Variants in ZNF808 observed in about 807,000 individuals in gnomAD.
ZNF808 encodes zinc finger protein 808.
In ZNF808, 5 loss-of-function variants were observed where a neutral mutation model predicts 8.7. The ratio of observed to expected loss-of-function variants is 0.58; its 90% confidence interval spans 0.30 to 1.21. ZNF808 has a LOEUF of 1.21. ZNF808 is among the 50% of genes most tolerant of loss of function. The pLI is 0.07. For missense variants in ZNF808, 1,103 were observed against 1,098.4 expected (o/e 1.00, Z -0.06); for synonymous variants, 380 against 366.0 (o/e 1.04, Z -0.44).
chr19:52,536,034 C>A, intron 2 of ZNF808: 1 of 165,598 alleles, frequency 6.0e-6, no homozygotes, highest in South Asian at 1.3e-4. Flanking sequence ...GAGTGAAGGT[C>A]GTACCGCGGC....
downstream of ZNF808, among the ~76,000 whole-genome samples, chr19:52,566,640 A>C (rs957015847): frequency 5.3e-5 from 8 of 152,250 alleles, no homozygotes; most frequent in South Asian, 1.5e-3. Flanking sequence ...GATACATTAC[A>C]AAAGGATGGT....
chr19:52,529,907 A>T (rs1002769136), intron 1 of ZNF808, among the ~76,000 whole-genome samples: 2 of 126,964 alleles, frequency 1.6e-5, no homozygotes, highest in African/African-American at 6.1e-5. Context: ...ATATATATAT[A>T]TATATTTTTT....
At chr19:52,531,095 G>C (rs984193066) in intron 1 of ZNF808, among the ~76,000 whole-genome samples, 18 of 152,184 alleles carry the variant, frequency 1.2e-4, no homozygotes, top group Admixed American at 2.0e-4. Context: ...CCACTACACT[G>C]CAAGCTGAGT....
chr19:52,534,836 C>T (rs987001370), intron 2 of ZNF808, among the ~76,000 whole-genome samples: 1 of 152,046 alleles, frequency 6.6e-6, no homozygotes, highest in African/African-American at 2.4e-5. Context: ...CTGCAGTGAG[C>T]CACGATCTCG....
At chr19:52,534,414 T>G (rs1255755776) in intron 2 of ZNF808, among the ~76,000 whole-genome samples, 2 of 152,214 alleles carry the variant, frequency 1.3e-5, no homozygotes, top group Non-Finnish European at 2.9e-5. Context: ...GAAGTTTCTT[T>G]CTCTCTTTTC....
intron 1 of ZNF808, among the ~76,000 whole-genome samples, chr19:52,528,868 GAGA>G (rs1266236563): frequency 2.6e-5 from 4 of 152,020 alleles, no homozygotes; most frequent in African/African-American, 9.7e-5. Context: ...AAAGATTGGG[GAGA>G]AGGAGCAATA....
At position 52,554,626 on chromosome 19, in the gene ZNF808, T is replaced by G; in HGVS notation, c.1710T>G (p.Asn570Lys). ...IHTAKKPYKC[N>K]ECGKAFNQQS... ...CTGCAAAGAAACCTTACAAGTGTAA[T>G]GAATGTGGGAAAGCTTTTAATCAAC... Residue 570 changes from asparagine (N) to lysine (K), a missense_variant, in exon 5 of 5, where the codon AAT (asparagine) becomes AAG (lysine). Asn to Lys is a moderately conservative substitution (Grantham distance 94, BLOSUM62 0). Coordinates refer to ENST00000359798, the MANE Select transcript of ZNF808 (RefSeq NM_001039886.4). 6.2e-7 allele frequency: 1 copy of G among 1,613,924 alleles called. No homozygotes were observed. Among genetic ancestry groups the G allele is most frequent in the East Asian group, 2.2e-5 (1 of 44,870 alleles).
downstream of ZNF808, among the ~76,000 whole-genome samples, chr19:52,564,961 C>T (rs1013809986): frequency 7.9e-5 from 12 of 152,238 alleles, no homozygotes; most frequent in South Asian, 2.5e-3. Context: ...TGGCAGGGGC[C>T]TATAGTCCCA....
At chr19:52,528,072 C>A (rs1269405552) in intron 1 of ZNF808, among the ~76,000 whole-genome samples, 1 of 152,170 alleles carries the variant, frequency 6.6e-6, no homozygotes, top group East Asian at 1.9e-4. Flanking sequence ...GCCCCTGGAG[C>A]GTCGCGCCGC....
exon 4 of ZNF808, chr19:52,564,044 A>T (rs2059866457): frequency 1.7e-6 from 1 of 589,248 alleles, no homozygotes; most frequent in African/African-American, 1.9e-5. Context: ...TTTGTCTGCC[A>T]TCATGGTGTG....
chr19:52,567,854 A>G (rs182335515), downstream of ZNF808, among the ~76,000 whole-genome samples: 18 of 152,140 alleles, frequency 1.2e-4, no homozygotes, highest in East Asian at 3.5e-3. Flanking sequence ...AAGTAATTAA[A>G]CCTTTTTTCA....
At chr19:52,536,390 G>C (rs1488337574) in intron 2 of ZNF808, among the ~76,000 whole-genome samples, 1 of 151,994 alleles carries the variant, frequency 6.6e-6, no homozygotes, top group Non-Finnish European at 1.5e-5. Context: ...CAGCCTCTCC[G>C]TCTTCGGCCC....
intron 2 of ZNF808, among the ~76,000 whole-genome samples, chr19:52,538,887 A>G (rs2059640400): frequency 6.6e-6 from 1 of 152,164 alleles, no homozygotes; most frequent in Non-Finnish European, 1.5e-5. Context: ...AGTTTAAATT[A>G]TACAGATGAG....
chr19:52,547,950 G>A (rs2059739562), intron 4 of ZNF808, among the ~76,000 whole-genome samples: 1 of 151,898 alleles, frequency 6.6e-6, no homozygotes, highest in Admixed American at 6.6e-5. Context: ...TGTTGGTCAG[G>A]CTCGTCTCTA....
At position 52,555,089 on chromosome 19, in the gene ZNF808, C is replaced by T; in HGVS notation, c.2173C>T (p.His725Tyr). The T allele has an allele frequency of 6.2e-7, 1 of 1,614,104 alleles. No homozygotes were observed. Among genetic ancestry groups the T allele is most frequent in the East Asian group, 2.2e-5 (1 of 44,878 alleles). ...CAGTAACAGGTCATCCCTTGTATGC[C>T]ATCGTAGAATTCATAGTGGTGAGAA... is the stretch of plus-strand genomic sequence containing the variant. ...TFSNRSSLVCHRRIHSGEKPY... is the reference protein window; with the variant it reads ...TFSNRSSLVCYRRIHSGEKPY... The change falls in exon 5 of 5, where the codon CAT (histidine) becomes TAT (tyrosine). Residue 725 changes from histidine (H) to tyrosine (Y), a missense_variant. Coordinates refer to ENST00000359798, the MANE Select transcript of ZNF808 (RefSeq NM_001039886.4).
Position 52,555,609 on chromosome 19 carries a change from G to A in ZNF808, c.2693G>A (p.Gly898Asp), listed in dbSNP as rs976946724. 3.7e-6 allele frequency: 6 copies of A among 1,600,808 alleles called. No homozygotes were observed. Among genetic ancestry groups the A allele is most frequent in the East Asian group, 2.2e-5 (1 of 44,792 alleles). ...CTTATTCACCATCAGGCAATTCATGGTATAGGGAAATTTGATTAATATAAT... is the reference window on the plus strand; with the variant it reads ...CTTATTCACCATCAGGCAATTCATGATATAGGGAAATTTGATTAATATAAT... ...STLIHHQAIH[G>D]IGKFD Residue 898 changes from glycine to aspartate, a missense_variant, in exon 5 of 5, where the codon GGT becomes GAT. By Grantham distance (94) the Gly-to-Asp change is moderately conservative (BLOSUM62 -1). Transcript: ENST00000359798.
At chr19:52,556,867 T>A (rs2059839295), downstream of ZNF808, 2 of 152,240 alleles carry the variant, frequency 1.3e-5, no homozygotes, top group African/African-American at 4.8e-5. Flanking sequence ...AGCTATTTAT[T>A]GCGTGTTTCT....
intron 2 of ZNF808, chr19:52,535,991 C>G (rs1484028208): frequency 6.2e-6 from 1 of 160,142 alleles, no homozygotes; most frequent in Admixed American, 6.4e-5. Context: ...TGGCTTCAGT[C>G]CTGGGCGCGC....
In ZNF808 at chr19:52,554,555, G is replaced by C. The variant is rs1293685755; in HGVS notation, c.1639G>C (p.Val547Leu). Reference protein sequence around the residue: ...KSYKCTVCNKVFMRNSVLAVH... With the variant: ...KSYKCTVCNKLFMRNSVLAVH... ...TTACAAATGTACGGTTTGTAACAAG[G>C]TTTTCATGCGTAATTCAGTCCTGGC... Residue 547 changes from valine (V) to leucine (L), a missense_variant, in exon 5 of 5, where the codon GTT (valine) becomes CTT (leucine). Transcript: ENST00000359798. The C allele has an allele frequency of 6.2e-7, 1 of 1,613,738 alleles. No homozygotes were observed. Among genetic ancestry groups the C allele is most frequent in the Admixed American group, 1.7e-5 (1 of 59,974 alleles).
Sources: gnomAD v4.1 joint callset for allele counts (sites outside exome capture counted in the v4.1 genomes callset) on GRCh38, gnomAD v4.1.1 for gene constraint, MANE v1.5 for transcripts, NCBI Gene and HGNC (gene_info 2026-07-23, HGNC 2026-07-21) for gene names.